UBA7: variants seen among roughly 807,000 people sequenced by gnomAD.
UBA7 encodes ubiquitin-like modifier-activating enzyme 7.
A neutral mutation model predicts 113.0 loss-of-function variants in UBA7; 88 were observed. That is an observed-to-expected ratio of 0.78 (90% CI 0.66 to 0.93). The LOEUF (loss-of-function observed/expected upper bound fraction) is 0.93. UBA7 is among the 40% of genes least tolerant of loss of function. The pLI is 0.00. For synonymous variants in UBA7, 459 were observed against 513.0 expected, an observed-to-expected ratio of 0.89 and a Z score of 1.42; for missense variants, 1,092 against 1,266.4, an observed-to-expected ratio of 0.86 and a Z score of 2.09.
chr3:49,812,176 G>A lies in UBA7; in HGVS notation c.725C>T (p.Thr242Ile). The A allele has an allele frequency of 6.2e-7, 1 of 1,614,210 alleles. No individual in the cohort carries two copies. The highest frequency in any genetic ancestry group is 1.1e-5 in the South Asian group (1 of 91,080). The change falls in exon 7 of 24, where the codon ACA (threonine) becomes ATA (isoleucine). Residue 242 changes from threonine (T) to isoleucine (I), a missense_variant. By Grantham distance (89) the Thr-to-Ile change is moderately conservative. Around this residue, in one of 3 missense-constraint regions of UBA7, gnomAD observed 584 missense variants for 714.5 expected, o/e 0.82. Transcript: ENST00000333486. Reference protein sequence around the residue: ...EDGSLEIGDTTTFSRYLRGGA... With the variant: ...EDGSLEIGDTITFSRYLRGGA... Reference sequence around the variant, plus strand: ...ACCACGCAAGTACCGAGAGAAAGTTGTTGTGTCTCCAATCTCCAGGGACCC... The same window carrying A: ...ACCACGCAAGTACCGAGAGAAAGTTATTGTGTCTCCAATCTCCAGGGACCC...
chr3:49,811,603 C>A, intron 8 of UBA7, 148 bp from the exon 9 acceptor site: 5 of 1,226,884 alleles, frequency 4.1e-6, no homozygotes, highest in Non-Finnish European at 5.6e-6. Flanking sequence ...CCAGCCTGCA[C>A]AGCACCACCA....
rs2081466372 is a variant in UBA7 at position 49,807,090 on chromosome 3, C to CA, written c.2715+645dup. Among the ~76,000 whole-genome samples, 1 of 152,242 alleles carries CA rather than the reference C, an allele frequency of 6.6e-6. No individual in the cohort carries two copies. Among genetic ancestry groups the CA allele is most frequent in the Admixed American group, 6.5e-5 (1 of 15,292 alleles). On this transcript the variant is annotated intron_variant, in intron 21 of 23. Coordinates refer to ENST00000333486, the MANE Select transcript of UBA7 (RefSeq NM_003335.3). This position sits in a 1 kb window ranked among gnomAD's most constrained non-coding sequence, Gnocchi z 4.0. Reference sequence around the variant, plus strand: ...TCACAGCGCTGCAGTCACAGGAACACAAATGCCCACAAGCCCAGGAACACA... The same window carrying CA: ...TCACAGCGCTGCAGTCACAGGAACACAAAATGCCCACAAGCCCAGGAACACA...
In UBA7 at chr3:49,809,482, A is replaced by G. The variant is rs2081506862; in HGVS notation, c.2089-18T>C. The G allele has an allele frequency of 6.2e-7, 1 of 1,613,972 alleles. No homozygotes were observed. The highest frequency in any genetic ancestry group is 1.7e-5 in the Admixed American group (1 of 60,002). On this transcript the variant is annotated intron_variant, in intron 16 of 23. Coordinates refer to ENST00000333486, the MANE Select transcript of UBA7 (RefSeq NM_003335.3). Reference sequence around the variant, plus strand: ...TCAAGCACCTAGGTAGGTAAGTAGAAGCTGCTGGGCTCAGTCTGGTCCCCC... The same window carrying G: ...TCAAGCACCTAGGTAGGTAAGTAGAGGCTGCTGGGCTCAGTCTGGTCCCCC...
chr3:49,811,156 A>T, intron 9 of UBA7, 65 bp from the exon 10 acceptor site: 1 of 1,605,036 alleles, frequency 6.2e-7, no homozygotes, highest in Non-Finnish European at 8.5e-7. Context: ...TCCTGGCTGG[A>T]GGCTTCACCC....
At chr3:49,806,501 A>G (rs1307346319) in intron 21 of UBA7, among the ~76,000 whole-genome samples, 1 of 152,110 alleles carries the variant, frequency 6.6e-6, no homozygotes, top group Non-Finnish European at 1.5e-5. Context: ...TTGTTCCTCA[A>G]AGACAAGGCT....
chr3:49,812,598 T>C (rs2081568101), intron 5 of UBA7, 50 bp downstream of exon 5: 2 of 1,614,022 alleles, frequency 1.2e-6, no homozygotes, highest in Admixed American at 3.3e-5. Context: ...CCACAGGCCC[T>C]GGCAGCCTCT....
Position 49,807,082 on chromosome 3 carries a change from C to T in UBA7, c.2715+654G>A, listed in dbSNP as rs1055170503. Among the ~76,000 whole-genome samples, 1 of 152,218 alleles carries T rather than the reference C, an allele frequency of 6.6e-6. No individual in the cohort carries two copies. Among genetic ancestry groups the T allele is most frequent in the African/African-American group, 2.4e-5 (1 of 41,456 alleles). Reference sequence around the variant, plus strand: ...GGAGGCATTCACAGCGCTGCAGTCACAGGAACACAAATGCCCACAAGCCCA... The same window carrying T: ...GGAGGCATTCACAGCGCTGCAGTCATAGGAACACAAATGCCCACAAGCCCA... On this transcript the variant is annotated intron_variant, in intron 21 of 23. Coordinates refer to ENST00000333486, the MANE Select transcript of UBA7 (RefSeq NM_003335.3). The surrounding 1 kb of genome is among the most constrained non-coding windows in gnomAD (Gnocchi z 4.0).
chr3:49,808,223 C>T (rs572614493), intron 19 of UBA7, 111 bp from the exon 20 acceptor site: 7 of 1,523,616 alleles, frequency 4.6e-6, no homozygotes, highest in African/African-American at 2.7e-5. Context: ...GGTTGCCCCA[C>T]ATCTCCTCTT....
chr3:49,808,471 G>A lies in UBA7; in HGVS notation c.2348-3C>T. The stretch of plus-strand genomic sequence containing the variant: ...CAGTTCCTTCTGCTGCTCAGGGCCT[G>A]TCAGGGGAGGGGATGTTGAGGCAGT... On this transcript the variant is annotated splice_region_variant and splice_polypyrimidine_tract_variant and intron_variant, in intron 18 of 23. Transcript: ENST00000333486. 6.2e-7 allele frequency: 1 copy of A among 1,613,990 alleles called. No homozygotes were observed. Among genetic ancestry groups the A allele is most frequent in the Non-Finnish European group, 8.5e-7 (1 of 1,179,928 alleles).
Position 49,805,947 on chromosome 3 carries a change from G to A in UBA7, c.2859C>T (p.Leu953=), listed in dbSNP as rs1362867337. Residue 953 remains leucine (L), a synonymous_variant, in exon 23 of 24, where the codon CTC becomes CTT. Coordinates refer to ENST00000333486, the MANE Select transcript of UBA7 (RefSeq NM_003335.3). ...VRILLHGSAL[L]YAAGWSPEKQ... ...TTTCAGGTGACCATCCGGCCGCATAGAGCAGGGCTGAGCCGTGCAGCAGGA... is the reference window on the plus strand; with the variant it reads ...TTTCAGGTGACCATCCGGCCGCATAAAGCAGGGCTGAGCCGTGCAGCAGGA... 1.3e-6 allele frequency: 2 copies of A among 1,564,176 alleles called. No homozygotes were observed. The highest frequency in any genetic ancestry group is 1.7e-6 in the Non-Finnish European group (2 of 1,154,166).
intron 4 of UBA7, 147 bp from the exon 5 acceptor site, chr3:49,812,885 G>A: frequency 8.5e-7 from 1 of 1,180,610 alleles, no homozygotes; most frequent in Non-Finnish European, 1.2e-6. Context: ...TACTGGAGCA[G>A]GTCTGGAGGC....
At chr3:49,806,426 G>C in intron 21 of UBA7, 1 of 566,266 alleles carries the variant, frequency 1.8e-6, no homozygotes, top group South Asian at 2.1e-5. Context: ...GAGAGTGGGG[G>C]ATGAGGGGGT....
rs1195302053 is a variant in UBA7, at chr3:49,811,099, C to T, written c.1123-8G>A. 2 of 1,613,570 alleles carry T rather than the reference C, an allele frequency of 1.2e-6. No homozygotes were observed. The highest frequency in any genetic ancestry group is 1.7e-6 in the Non-Finnish European group (2 of 1,179,708). On this transcript the variant is annotated splice_region_variant and splice_polypyrimidine_tract_variant and intron_variant, in intron 9 of 23. Coordinates refer to ENST00000333486, the MANE Select transcript of UBA7 (RefSeq NM_003335.3). ...GAACTTCCTGGAGATTGCCTAGGGG[C>T]AGCACTTCAGGCTGGGCACTCCTGC...
chr3:49,806,906 G>A (rs932539754), intron 21 of UBA7, among the ~76,000 whole-genome samples: 4 of 152,138 alleles, frequency 2.6e-5, no homozygotes, highest in African/African-American at 9.7e-5. Flanking sequence ...TCACAAAGGG[G>A]CTCTGTGTGC....
chr3:49,807,747 C>T lies in UBA7; in HGVS notation c.2704G>A (p.Ala902Thr). The T allele has an allele frequency of 1.2e-6, 2 of 1,608,588 alleles. No homozygotes were observed. Among genetic ancestry groups the T allele is most frequent in the Non-Finnish European group, 1.7e-6 (2 of 1,177,350 alleles). ...YLIRYMPFAP[A>T]IQTFHHLKWT... is the part of the protein sequence containing the mutation. ...TATCATGGGCTCACCGTCTGGATGG[C>T]TGGGGCAAAAGGCATATAGCGGATG... The change falls in exon 21 of 24, where the codon GCC becomes ACC. Residue 902 changes from alanine to threonine, a missense_variant. Ala to Thr is a moderately conservative substitution (Grantham distance 58, BLOSUM62 0). Coordinates refer to ENST00000333486, the MANE Select transcript of UBA7 (RefSeq NM_003335.3). The surrounding 1 kb of genome is among the most constrained non-coding windows in gnomAD (Gnocchi z 4.0).
Position 49,813,807 on chromosome 3 carries a change from C to A in UBA7, c.-20G>T. The A allele has an allele frequency of 6.2e-7, 1 of 1,613,968 alleles. No individual in the cohort carries two copies. The highest frequency in any genetic ancestry group is 1.1e-5 in the South Asian group (1 of 91,036). On this transcript the variant is annotated 5_prime_UTR_variant, in exon 1 of 24. Transcript: ENST00000333486. ...ATCCATCCTCAAACCTGGGGCTGAA[C>A]AGTAGGCTGCAGCGCTCAGAGATAG...
chr3:49,810,592 C>G lies in UBA7; in HGVS notation c.1392G>C (p.Leu464Phe). 6.2e-7 allele frequency: 1 copy of G among 1,614,134 alleles called. No individual in the cohort carries two copies. The highest frequency in any genetic ancestry group is 8.5e-7 in the Non-Finnish European group (1 of 1,180,018). ...VGLGAGNSGG[L>F]TVVDMDHIER... ...CTATGTGGTCCATGTCAACAACAGT[C>G]AAGCCCCCGCTGTTCCCGGCCCCCA... The change falls in exon 12 of 24, where the codon TTG becomes TTC. Residue 464 changes from leucine to phenylalanine, a missense_variant. By Grantham distance (22) the Leu-to-Phe change is conservative (BLOSUM62 0). Around this residue, in one of 3 missense-constraint regions of UBA7, gnomAD observed 584 missense variants for 714.5 expected, o/e 0.82. Transcript: ENST00000333486. This position sits in a 1 kb window ranked among gnomAD's most constrained non-coding sequence, Gnocchi z 5.6.
At chr3:49,808,173 T>C (rs1450768371) in intron 19 of UBA7, 61 bp from the exon 20 acceptor site, 1 of 1,588,300 alleles carries the variant, frequency 6.3e-7, no homozygotes, top group African/African-American at 1.3e-5. Context: ...CGTGGCCCAC[T>C]GCGTGTCACT....
Position 49,813,170 on chromosome 3 carries a change from T to G in UBA7, c.361-2A>C. 6.2e-7 allele frequency: 1 copy of G among 1,613,998 alleles called. No homozygotes were observed. Among genetic ancestry groups the G allele is most frequent in the South Asian group, 1.1e-5 (1 of 91,070 alleles). On this transcript the variant is annotated splice_acceptor_variant, in intron 3 of 23. Transcript: ENST00000333486. LOFTEE classifies it high-confidence loss of function. ...CTTTGCAGCAGTCAGCACCACCACC[T>G]GGGTGGACACAGTGATCAGCAGGGC...
Sources: allele counts gnomAD v4.1 joint callset (sites outside exome capture counted in the v4.1 genomes callset), GRCh38; gene constraint gnomAD v4.1.1; regional missense constraint gnomAD v4.1.1; non-coding constraint Gnocchi (gnomAD v3.1); transcripts MANE v1.5; gene names NCBI Gene and HGNC (gene_info 2026-07-23, HGNC 2026-07-21).